Variants in PRKCQ observed in about 807,000 individuals in gnomAD.
PRKCQ encodes the protein protein kinase C theta type.
In PRKCQ, 41 loss-of-function variants were observed where a neutral mutation model predicts 91.2. The observed-to-expected ratio is 0.45, with a 90% CI of 0.35 to 0.58. PRKCQ has a LOEUF of 0.58. PRKCQ is among the 20% of genes least tolerant of loss of function. The pLI is 0.00. For missense variants in PRKCQ, 673 were observed against 896.5 expected (o/e 0.75, Z 3.18); for synonymous variants, 307 against 316.9 (o/e 0.97, Z 0.33).
At chr10:6,466,803 TCTGC>T (rs916702066) in intron 12 of PRKCQ, among the ~76,000 whole-genome samples, 1 of 152,154 alleles carries the variant, frequency 6.6e-6, no homozygotes, top group Admixed American at 6.5e-5. Context: ...AAAAGAAGTG[TCTGC>T]CTGCTGGAAA....
At chr10:6,402,707 C>T in the PRKCQ span, among the ~76,000 whole-genome samples, 3 of 152,140 alleles carry the variant, frequency 2.0e-5, no homozygotes, top group Non-Finnish European at 4.4e-5. Flanking sequence ...GTCAAGAGTT[C>T]GAGACCAGCC....
chr10:6,428,212 A>G lies in PRKCQ; in HGVS notation c.2116T>C (p.Ser706Pro). 1 of 1,614,174 alleles carries G rather than the reference A, an allele frequency of 6.2e-7. No individual in the cohort carries two copies. Among genetic ancestry groups the G allele is most frequent in the Non-Finnish European group, 8.5e-7 (1 of 1,180,040 alleles). ...TGTCTCTGGAGGGGCAAGATTCAGG[A>G]TATCAGCCGCTCCATCCCGGGGTTC... ...FMNPGMERLI[S>P] Residue 706 changes from serine (S) to proline (P), a missense_variant, in exon 18 of 18, where the codon TCC becomes CCC. By Grantham distance (74) the Ser-to-Pro change is moderately conservative (BLOSUM62 -1). Transcript: ENST00000263125.
the PRKCQ span, among the ~76,000 whole-genome samples, chr10:6,398,529 T>G: frequency 4.6e-5 from 7 of 151,958 alleles, no homozygotes; most frequent in Admixed American, 1.3e-4. Flanking sequence ...TCATTTGGAG[T>G]GGGCATGTGA....
chr10:6,426,446 G>T (rs1833125060), downstream of PRKCQ, among the ~76,000 whole-genome samples: 1 of 152,208 alleles, frequency 6.6e-6, no homozygotes, highest in Non-Finnish European at 1.5e-5. Context: ...ACATGTGTGA[G>T]CATTTTCATT....
intron 11 of PRKCQ, among the ~76,000 whole-genome samples, chr10:6,480,884 C>T (rs1489295364): frequency 6.6e-6 from 1 of 152,182 alleles, no homozygotes; most frequent in African/African-American, 2.4e-5. Flanking sequence ...GATGGGAATT[C>T]AGGCAAATGA....
At chr10:6,511,305 T>C in intron 2 of PRKCQ, 111 bp from the exon 3 acceptor site, 1 of 1,035,990 alleles carries the variant, frequency 9.7e-7, no homozygotes, top group Non-Finnish European at 1.5e-6. Flanking sequence ...TATAGAATTC[T>C]GTTGGGAAGA....
chr10:6,489,815 C>G (rs536957267), intron 8 of PRKCQ, among the ~76,000 whole-genome samples: 4 of 151,904 alleles, frequency 2.6e-5, no homozygotes, highest in Non-Finnish European at 4.4e-5. Context: ...AAAGAGTATT[C>G]AAGGAAAGAA....
At chr10:6,572,855 G>C (rs188693313) in intron 1 of PRKCQ, among the ~76,000 whole-genome samples, 82 of 152,258 alleles carry the variant, frequency 5.4e-4, no homozygotes, top group African/African-American at 1.9e-3. Context: ...ACCACCAAGA[G>C]TGTAAAAGCG....
At position 6,497,897 on chromosome 10, in the gene PRKCQ, G is replaced by A. The variant is rs1416324244; in HGVS notation, c.542+499C>T. ...GAGCCAGAAACAGGAGTTATTTCAA[G>A]TCTCCACTCTGTCATAGCCTTTGCT... On this transcript the variant is annotated intron_variant, in intron 5 of 17. Coordinates refer to ENST00000263125, the MANE Select transcript of PRKCQ (RefSeq NM_006257.5). The surrounding 1 kb of genome is among the most constrained non-coding windows in gnomAD (Gnocchi z 4.5). 6.6e-6 allele frequency among the ~76,000 whole-genome samples: 1 copy of A among 152,180 alleles called. No homozygotes were observed. The highest frequency in any genetic ancestry group is 1.5e-5 in the Non-Finnish European group (1 of 68,030).
At position 6,465,270 on chromosome 10, in the gene PRKCQ, C is replaced by T. The variant is rs573306745; in HGVS notation, c.1354-866G>A. ...AATCAAGTTTAACCTTATTTTTCTC[C>T]AGTCCTGACTTAACTCATGGCAGAG... On this transcript the variant is annotated intron_variant, in intron 12 of 17. Transcript: ENST00000263125. This position sits in a 1 kb window ranked among gnomAD's most constrained non-coding sequence, Gnocchi z 4.4. Among the ~76,000 whole-genome samples, 1 of 152,234 alleles carries T rather than the reference C, an allele frequency of 6.6e-6. No homozygotes were observed. Among genetic ancestry groups the T allele is most frequent in the East Asian group, 1.9e-4 (1 of 5,188 alleles).
intron 4 of PRKCQ, among the ~76,000 whole-genome samples, chr10:6,499,260 A>C (rs973639489): frequency 6.6e-6 from 1 of 152,204 alleles, no homozygotes; most frequent in Non-Finnish European, 1.5e-5. Context: ...ATCAGCATCA[A>C]ACCATCAGAT....
chr10:6,436,583 C>A (rs1833707519), intron 16 of PRKCQ, among the ~76,000 whole-genome samples: 1 of 152,208 alleles, frequency 6.6e-6, no homozygotes, highest in African/African-American at 2.4e-5. Context: ...CTGTCCCCAG[C>A]ACCCCAACCC....
chr10:6,449,183 G>GA lies in PRKCQ; in HGVS notation c.1648-7103dup, dbSNP rs1425219874. On this transcript the variant is annotated intron_variant, in intron 15 of 17. Transcript: ENST00000263125. Reference sequence around the variant, plus strand: ...CAAAGGCAAAGAAGTTGAAAACTTTGAAAAAAATTTAGACGAATGTATAAC... The same window carrying GA: ...CAAAGGCAAAGAAGTTGAAAACTTTGAAAAAAAATTTAGACGAATGTATAAC... Among the ~76,000 whole-genome samples the GA allele has an allele frequency of 2.0e-5, 3 of 149,208 alleles. No homozygotes were observed. In the East Asian group the frequency reaches 5.9e-4, roughly 29 times the overall value.
chr10:6,485,986 C>T, intron 9 of PRKCQ, 49 bp downstream of exon 9: 1 of 1,499,030 alleles, frequency 6.7e-7, no homozygotes, highest in Non-Finnish European at 9.3e-7. Context: ...GCATGGACAT[C>T]CTTGCTGAGC....
At chr10:6,514,925 G>T in intron 2 of PRKCQ, 93 bp downstream of exon 2, 1 of 1,580,626 alleles carries the variant, frequency 6.3e-7, no homozygotes, top group South Asian at 1.1e-5. Flanking sequence ...TCCACCAGAT[G>T]ATGTCAAATG....
chr10:6,404,771 T>TCTTCCTTCCTTCACTC, the PRKCQ span, among the ~76,000 whole-genome samples: 1 of 144,420 alleles, frequency 6.9e-6, no homozygotes, highest in Non-Finnish European at 1.5e-5. Context: ...TTCCATCCTT[T>TCTTCCTTCCTTCACTC]CTTCCTTCCT....
At chr10:6,494,979 G>T (rs370120433) in intron 7 of PRKCQ, among the ~76,000 whole-genome samples, 8 of 152,218 alleles carry the variant, frequency 5.3e-5, no homozygotes, top group East Asian at 3.9e-4. Context: ...CTACCACACT[G>T]CTCGGCCTCG....
intron 12 of PRKCQ, among the ~76,000 whole-genome samples, chr10:6,476,363 C>T (rs1836268655): frequency 1.3e-5 from 2 of 150,556 alleles, no homozygotes; most frequent in South Asian, 4.2e-4. Flanking sequence ...GCACAACTGC[C>T]TAAGTGCCCA....
At chr10:6,526,500 G>T (rs989613242) in intron 1 of PRKCQ, among the ~76,000 whole-genome samples, 3 of 152,054 alleles carry the variant, frequency 2.0e-5, no homozygotes, top group African/African-American at 7.2e-5. Context: ...GGGCGGCAGG[G>T]AGGGCTTTGC....
Sources: allele counts gnomAD v4.1 joint callset (sites outside exome capture counted in the v4.1 genomes callset), GRCh38; gene constraint gnomAD v4.1.1; non-coding constraint Gnocchi (gnomAD v3.1); transcripts MANE v1.5; gene names NCBI Gene and HGNC (gene_info 2026-07-23, HGNC 2026-07-21).